FASN: variants seen among roughly 807,000 people sequenced by gnomAD.
FASN encodes the protein 3-hydroxyacyl-[acyl-carrier-protein] dehydratase.
Under a neutral mutation model 250.0 loss-of-function variants are expected in FASN, and 50 were observed. The observed-to-expected ratio is 0.20, with a 90% CI of 0.16 to 0.25. The LOEUF (loss-of-function observed/expected upper bound fraction) is 0.25. Among genes scored for constraint, FASN ranks in the 10% least tolerant of loss-of-function variants. The pLI, the probability that FASN is intolerant of heterozygous loss-of-function variation, is 1.00. For synonymous variants in FASN, 1,909 were observed against 1,584.0 expected (o/e 1.21, Z -4.87); for missense variants, 3,031 against 3,498.5 (o/e 0.87, Z 3.37).
chr17:82,096,297 G>A (rs1196974238), intron 2 of FASN, 22 bp downstream of exon 2: 10 of 1,610,764 alleles, frequency 6.2e-6, no homozygotes, highest in South Asian at 4.4e-5. Flanking sequence ...CCCCAGGCAC[G>A]GGGAGCCCCG....
At chr17:82,085,425 C>A in intron 23 of FASN, 23 bp from the exon 24 acceptor site, 1 of 1,603,582 alleles carries the variant, frequency 6.2e-7, no homozygotes, top group Non-Finnish European at 8.5e-7. Flanking sequence ...TGGTCAGCAC[C>A]CTGCCCGCCT....
chr17:82,082,898 A>AC lies in FASN; in HGVS notation c.5767+15dup. The AC allele has an allele frequency of 6.2e-7, 1 of 1,611,992 alleles. No individual in the cohort carries two copies. Among genetic ancestry groups the AC allele is most frequent in the Middle Eastern group, 1.6e-4 (1 of 6,062 alleles). On this transcript the variant is annotated intron_variant, in intron 33 of 42. Coordinates refer to ENST00000306749, the MANE Select transcript of FASN (RefSeq NM_004104.5). ...GCCTGGCCCAGGCTGGTCCACAAGC[A>AC]CCCCTGCCGACTCACCTGTCCGGAT...
chr17:82,096,583 C>T (rs1450512027), intron 1 of FASN, 131 bp from the exon 2 acceptor site: 4 of 1,356,234 alleles, frequency 2.9e-6, no homozygotes, highest in Middle Eastern at 2.0e-4. Context: ...GGCCCTGGCT[C>T]CTGCGGCTCC....
intron 39 of FASN, 26 bp from the exon 40 acceptor site, chr17:82,080,616 G>C (rs1483154844): frequency 6.4e-7 from 1 of 1,551,618 alleles, no homozygotes; most frequent in South Asian, 1.2e-5. Context: ...CGGGCACTCA[G>C]CATGTGCAGG....
chr17:82,083,887 C>A lies in FASN; in HGVS notation c.5103G>T (p.Ser1701=). Residue 1701 remains serine, a synonymous_variant, in exon 30 of 43, where the codon TCG becomes TCT. Coordinates refer to ENST00000306749, the MANE Select transcript of FASN (RefSeq NM_004104.5). ...CCTGGAGGTACGCCCGCTTCTCAGC[C>A]GACCCTGGTGAAGAGAGGAAGCGCG... The part of the protein sequence containing the change: ...LGCRVFTTVG[S]AEKRAYLQAR... 6.4e-7 allele frequency: 1 copy of A among 1,565,958 alleles called. No homozygotes were observed. Among genetic ancestry groups the A allele is most frequent in the Non-Finnish European group, 8.7e-7 (1 of 1,155,198 alleles).
Position 82,098,175 on chromosome 17 carries a change from C to G in FASN, c.-62G>C, listed in dbSNP as rs570622420. The G allele has an allele frequency of 2.8e-6, 1 of 360,650 alleles. No homozygotes were observed. The highest frequency in any genetic ancestry group is 2.1e-5 in the African/African-American group (1 of 46,990). 22.3% of individuals were successfully genotyped at this position (360,650 alleles called of 1,614,324 possible). ...GGCGGAGAGCGAGGCTGGAGCGCGG[C>G]GGAGCGGGAGGCTGAAGCGCGGCGG... On this transcript the variant is annotated 5_prime_UTR_variant, in exon 1 of 43. Coordinates refer to ENST00000306749, the MANE Select transcript of FASN (RefSeq NM_004104.5).
At chr17:82,094,199 C>T in intron 3 of FASN, 1 of 310,060 alleles carries the variant, frequency 3.2e-6, no homozygotes, top group Non-Finnish European at 6.3e-6. Flanking sequence ...TGCACCAGAA[C>T]AGGCCGTGAT....
intron 41 of FASN, 52 bp downstream of exon 41, chr17:82,080,088 G>A (rs543466668): frequency 2.9e-5 from 45 of 1,567,820 alleles, no homozygotes; most frequent in African/African-American, 2.7e-5. Flanking sequence ...TCCCCCTTCC[G>A]TTCCTGCCCA....
In FASN at chr17:82,083,972, TACCCACGGTGGTGAAGACGCGGCAG is replaced by T; in HGVS notation, c.5076_5098+2del. The stretch of plus-strand genomic sequence containing the variant: ...GCGGGAGGCACCGGGGGCGGGGCCT[TACCCACGGTGGTGAAGACGCGGCAG>T]CCCAGACTGAGGGCGATGGCGATGG... On this transcript the variant is annotated splice_donor_variant and coding_sequence_variant, in exon 29 of 43. Coordinates refer to ENST00000306749, the MANE Select transcript of FASN (RefSeq NM_004104.5). LOFTEE classifies it high-confidence loss of function. 6.5e-7 allele frequency: 1 copy of T among 1,541,478 alleles called. No individual in the cohort carries two copies. The highest frequency in any genetic ancestry group is 8.7e-7 in the Non-Finnish European group (1 of 1,145,960).
At chr17:82,090,236 G>A (rs1285961727) in intron 11 of FASN, 139 bp downstream of exon 11, 26 of 814,656 alleles carry the variant, frequency 3.2e-5, no homozygotes, top group Non-Finnish European at 4.9e-5. Flanking sequence ...GCGCACGGCT[G>A]TGTCCGAGCT....
intron 41 of FASN, 96 bp downstream of exon 41, chr17:82,080,044 T>C: frequency 7.5e-7 from 1 of 1,340,450 alleles, no homozygotes; most frequent in Non-Finnish European, 1.1e-6. Flanking sequence ...TGGGGGGCCT[T>C]TAACGCTCTT....
rs145515446 is a variant in FASN at position 82,082,646 on chromosome 17, G to A, written c.5800C>T (p.Arg1934Cys). The change falls in exon 34 of 43, where the codon CGC becomes TGC. Residue 1934 changes from arginine (R) to cysteine (C), a missense_variant. By Grantham distance (180) the Arg-to-Cys change is radical. Coordinates refer to ENST00000306749, the MANE Select transcript of FASN (RefSeq NM_004104.5). Reference sequence around the variant, plus strand: ...GACACCTGCACCTGTACGCCCTGGCGCCTCCACCGGCGGACCTGCTTGGCC... The same window carrying A: ...GACACCTGCACCTGTACGCCCTGGCACCTCCACCGGCGGACCTGCTTGGCC... ...YQAKQVRRWRRQGVQVQVSTS... is the reference protein window; with the variant it reads ...YQAKQVRRWRCQGVQVQVSTS... 1.3e-3 allele frequency: 2,099 copies of A among 1,610,248 alleles called. 2 individuals carry two copies. The highest frequency in any genetic ancestry group is 1.4e-3 in the Non-Finnish European group (1,707 of 1,179,874).
intron 3 of FASN, 136 bp from the exon 4 acceptor site, chr17:82,093,907 C>A: frequency 1.1e-6 from 1 of 912,858 alleles, no homozygotes; most frequent in Non-Finnish European, 1.7e-6. Context: ...CCCAGTGGGA[C>A]CCTGGAAGGG....
In FASN at chr17:82,079,775, C is replaced by G. The variant is rs1762985941; in HGVS notation, c.7147-167G>C. 3.1e-6 allele frequency: 3 copies of G among 957,652 alleles called. No homozygotes were observed. The South Asian group carries it at 5.2e-5, about 17-fold the overall frequency. The allele number at this position is 957,652 out of a possible 1,614,324, so 59.3% of individuals were successfully genotyped here. A position where few individuals can be genotyped will look rare whatever the true frequency, so the allele number is the denominator to read the frequency against. On this transcript the variant is annotated intron_variant, in intron 41 of 42. Coordinates refer to ENST00000306749, the MANE Select transcript of FASN (RefSeq NM_004104.5). ...CACCGCAACCTCCACCTACCCGGTTCAAGCGATTCTCCTCCCTCCGCAACC... is the reference window on the plus strand; with the variant it reads ...CACCGCAACCTCCACCTACCCGGTTGAAGCGATTCTCCTCCCTCCGCAACC...
In FASN at chr17:82,082,003, G is replaced by T; in HGVS notation, c.6163+6C>A. The T allele has an allele frequency of 6.2e-7, 1 of 1,605,850 alleles. No individual in the cohort carries two copies. Among genetic ancestry groups the T allele is most frequent in the Non-Finnish European group, 8.5e-7 (1 of 1,179,658 alleles). ...GGCAGGGTCGAGGGGAGAGGGTGGG[G>T]CCCACCTGGGAGGCCTTCGTGCCGG... is the stretch of plus-strand genomic sequence containing the variant. On this transcript the variant is annotated splice_donor_region_variant and intron_variant, in intron 36 of 42. Transcript: ENST00000306749.
chr17:82,085,490 G>T lies in FASN; in HGVS notation c.4114C>A (p.Leu1372Met). The change falls in exon 23 of 43, where the codon CTG becomes ATG. Residue 1372 changes from leucine (L) to methionine (M), a missense_variant. Physicochemically the swap from Leu to Met is conservative, Grantham distance 15. Transcript: ENST00000306749. ...STEPQYGQGI[L>M]SQDAWESLFS... ...CTGCCCGGCGGCCGCACCTGGCTCA[G>T]GATGCCCTGGCCATACTGCGGCTCA... 6.3e-7 allele frequency: 1 copy of T among 1,592,484 alleles called. No individual in the cohort carries two copies. The highest frequency in any genetic ancestry group is 8.5e-7 in the Non-Finnish European group (1 of 1,170,336).
rs751021875 is a variant in FASN, at chr17:82,083,785, G to A, written c.5205C>T (p.His1735=). 1.2e-6 allele frequency: 2 copies of A among 1,611,770 alleles called. No homozygotes were observed. Among genetic ancestry groups the A allele is most frequent in the Admixed American group, 1.7e-5 (1 of 59,924 alleles). ...DTSFEQHVLW[H]TGGKGVDLVL... ...GGGGCCACTCACCCTTCCCGCCCGT[G>A]TGCCACAGCACATGCTGCTCGAAGG... The change falls in exon 30 of 43, where the codon CAC becomes CAT. Residue 1735 remains histidine (H), a synonymous_variant. Coordinates refer to ENST00000306749, the MANE Select transcript of FASN (RefSeq NM_004104.5).
Position 82,083,782 on chromosome 17 carries a change from C to T in FASN, c.5208G>A (p.Thr1736=), listed in dbSNP as rs551434702. The change falls in exon 30 of 43, where the codon ACG becomes ACA. Residue 1736 remains threonine (T), a synonymous_variant. Transcript: ENST00000306749. ...TSFEQHVLWH[T]GGKGVDLVLN... ...GTGGGGGCCACTCACCCTTCCCGCC[C>T]GTGTGCCACAGCACATGCTGCTCGA... 15 of 1,611,748 alleles carry T rather than the reference C, an allele frequency of 9.3e-6. 1 individual carries two copies. Among genetic ancestry groups the T allele is most frequent in the East Asian group, 4.5e-5 (2 of 44,858 alleles).
At position 82,080,867 on chromosome 17, in the gene FASN, C is replaced by T. The variant is rs1316696315; in HGVS notation, c.6651G>A (p.Leu2217=). 8 of 1,611,484 alleles carry T rather than the reference C, an allele frequency of 5.0e-6. No individual in the cohort carries two copies. The African/African-American group carries it at 6.7e-5, about 13-fold the overall frequency. ...EDGLAQQQTQ[L]NLRSLLVNPE... is the part of the protein sequence containing the mutation. Reference sequence around the variant, plus strand: ...GGTTCACCAGCAGGGAGCGCAGGTTCAGCTGAGTCTGCTGCTGGGCCAGAC... The same window carrying T: ...GGTTCACCAGCAGGGAGCGCAGGTTTAGCTGAGTCTGCTGCTGGGCCAGAC... The change falls in exon 39 of 43, where the codon CTG becomes CTA. Residue 2217 remains leucine, a synonymous_variant. Transcript: ENST00000306749.
Sources: gnomAD v4.1 joint callset for allele counts on GRCh38, gnomAD v4.1.1 for gene constraint, MANE v1.5 for transcripts, NCBI Gene and HGNC (gene_info 2026-07-23, HGNC 2026-07-21) for gene names.